The following AUTS2 variants were observed in gnomAD, a reference collection of about 807,000 sequenced individuals.
AUTS2 encodes activator of transcription and developmental regulator AUTS2.
A neutral mutation model predicts 112.4 loss-of-function variants in AUTS2; 17 were observed. That is an observed-to-expected ratio of 0.15 (90% CI 0.10 to 0.23). The LOEUF is 0.23. AUTS2 is among the 10% of genes least tolerant of loss of function. The pLI is 1.00. For missense variants in AUTS2, 1,510 were observed against 1,701.6 expected (o/e 0.89, Z 1.98); for synonymous variants, 751 against 702.7 (o/e 1.07, Z -1.09).
chr7:70,746,630 G>T (rs1788470971), intron 6 of AUTS2, among the ~76,000 whole-genome samples: 1 of 152,182 alleles, frequency 6.6e-6, no homozygotes, highest in Admixed American at 6.5e-5. Context: ...TAACCGTGAG[G>T]CTGAAAGATG....
intron 2 of AUTS2, among the ~76,000 whole-genome samples, chr7:70,023,975 A>G (rs1800399707): frequency 6.6e-6 from 1 of 152,252 alleles, no homozygotes; most frequent in Non-Finnish European, 1.5e-5. Flanking sequence ...GAGGCAAAGC[A>G]CCGAACTCTT....
chr7:70,505,907 G>A (rs866422359), intron 5 of AUTS2, among the ~76,000 whole-genome samples: 11 of 152,180 alleles, frequency 7.2e-5, no homozygotes, highest in African/African-American at 1.7e-4. Flanking sequence ...GCTTGTTTCC[G>A]TATCAGTAAT....
chr7:70,462,994 A>G (rs955072224), intron 5 of AUTS2, among the ~76,000 whole-genome samples: 1 of 152,152 alleles, frequency 6.6e-6, no homozygotes, highest in Non-Finnish European at 1.5e-5. Flanking sequence ...AACAAAGTCA[A>G]TCATCACTCA....
intron 14 of AUTS2, among the ~76,000 whole-genome samples, chr7:70,780,024 T>C (rs1223216349): frequency 6.7e-6 from 1 of 149,760 alleles, no homozygotes; most frequent in Non-Finnish European, 1.5e-5. Context: ...ATCTCATCTC[T>C]TTAAAAAAAA....
intron 4 of AUTS2, among the ~76,000 whole-genome samples, chr7:70,413,900 C>G (rs940025924): frequency 6.6e-6 from 1 of 152,098 alleles, no homozygotes; most frequent in Non-Finnish European, 1.5e-5. Context: ...GTCTTGAACT[C>G]CTAGGCTCAA....
chr7:70,447,129 G>A (rs1001246049), intron 5 of AUTS2, among the ~76,000 whole-genome samples: 9 of 152,208 alleles, frequency 5.9e-5, no homozygotes, highest in Non-Finnish European at 7.3e-5. Flanking sequence ...GAAAGGAGGC[G>A]TAAGTCCTCA....
intron 1 of AUTS2, among the ~76,000 whole-genome samples, chr7:69,679,006 A>G (rs1190923191): frequency 6.6e-6 from 1 of 152,220 alleles, no homozygotes; most frequent in Non-Finnish European, 1.5e-5. Flanking sequence ...AAGAAGGGAG[A>G]TATCAGGAGA....
intron 4 of AUTS2, among the ~76,000 whole-genome samples, chr7:70,259,364 T>C (rs1054069047): frequency 6.6e-6 from 1 of 152,054 alleles, no homozygotes; most frequent in African/African-American, 2.4e-5. Flanking sequence ...GCCTTTTCAG[T>C]TCTTAAACTT....
chr7:70,337,929 C>A (rs531967534), intron 4 of AUTS2, among the ~76,000 whole-genome samples: 13 of 152,092 alleles, frequency 8.5e-5, no homozygotes, highest in African/African-American at 1.2e-4. Flanking sequence ...TCAATTTAGG[C>A]CTTGTTGTGA....
chr7:69,680,327 C>G (rs951517723), intron 1 of AUTS2, among the ~76,000 whole-genome samples: 1 of 152,174 alleles, frequency 6.6e-6, no homozygotes, highest in Non-Finnish European at 1.5e-5. Flanking sequence ...CTGTCTGATT[C>G]AATTACTTGC....
chr7:70,440,167 C>T (rs1785161974), intron 5 of AUTS2, among the ~76,000 whole-genome samples: 2 of 144,726 alleles, frequency 1.4e-5, no homozygotes, highest in African/African-American at 5.2e-5. Flanking sequence ...AAAGTGGGCT[C>T]TTGTCTTTGA....
intron 4 of AUTS2, among the ~76,000 whole-genome samples, chr7:70,305,463 T>C (rs13226418): frequency 0.011 from 1,736 of 152,346 alleles, 14 homozygotes; most frequent in Non-Finnish European, 0.02. Flanking sequence ...TTCATAAAAA[T>C]ATTGAATTTG....
chr7:70,573,540 C>A (rs796242490), intron 5 of AUTS2, among the ~76,000 whole-genome samples: 2 of 152,250 alleles, frequency 1.3e-5, no homozygotes, highest in African/African-American at 4.8e-5. Context: ...TTATCCCTTG[C>A]AAAGCAGACG....
chr7:70,576,259 C>A (rs1293507583), intron 5 of AUTS2, among the ~76,000 whole-genome samples: 2 of 152,120 alleles, frequency 1.3e-5, no homozygotes, highest in African/African-American at 4.8e-5. Flanking sequence ...ATCTGAGTGG[C>A]CCACCCTCCT....
intron 5 of AUTS2, among the ~76,000 whole-genome samples, chr7:70,586,228 A>G (rs1039744850): frequency 6.6e-6 from 1 of 152,222 alleles, no homozygotes; most frequent in Non-Finnish European, 1.5e-5. Flanking sequence ...CAAATATAGC[A>G]AAAGTATAAA....
At chr7:70,153,274 A>T (rs1051832131) in intron 4 of AUTS2, among the ~76,000 whole-genome samples, 2 of 152,228 alleles carry the variant, frequency 1.3e-5, no homozygotes, top group Admixed American at 1.3e-4. Flanking sequence ...AACAACATGG[A>T]TTCATCTCAA....
intron 10 of AUTS2, 73 bp downstream of exon 10, chr7:70,768,141 C>A: frequency 7.3e-7 from 1 of 1,366,610 alleles, no homozygotes; most frequent in South Asian, 1.3e-5. Context: ...ACAGATCAGT[C>A]AATGACTAGC....
chr7:70,422,407 T>A (rs1190232619), intron 4 of AUTS2, among the ~76,000 whole-genome samples: 1 of 152,204 alleles, frequency 6.6e-6, no homozygotes, highest in East Asian at 1.9e-4. Context: ...CTGATTTTCA[T>A]AAAAGAGTAA....
chr7:70,352,040 C>T (rs1791791923), intron 4 of AUTS2, among the ~76,000 whole-genome samples: 1 of 152,138 alleles, frequency 6.6e-6, no homozygotes, highest in Non-Finnish European at 1.5e-5. Context: ...TTATTGAGGG[C>T]TTACCATTTC....
Sources: gnomAD v4.1 joint callset for allele counts (sites outside exome capture counted in the v4.1 genomes callset) on GRCh38, gnomAD v4.1.1 for gene constraint, MANE v1.5 for transcripts, NCBI Gene and HGNC (gene_info 2026-07-23, HGNC 2026-07-21) for gene names.